TMEM266: variants seen among roughly 807,000 people sequenced by gnomAD.
TMEM266 encodes Hv1 related protein 1.
Under a neutral mutation model 50.5 loss-of-function variants are expected in TMEM266, and 33 were observed. The observed-to-expected ratio is 0.65, with a 90% CI of 0.50 to 0.87. TMEM266 has a LOEUF of 0.87. TMEM266 is among the 40% of genes least tolerant of loss of function. TMEM266 has a pLI of 0.00. For missense variants in TMEM266, 655 were observed against 695.1 expected (o/e 0.94, Z 0.65); for synonymous variants, 310 against 292.3 (o/e 1.06, Z -0.62).
chr15:76,135,851 A>G (rs186192668), intron 2 of TMEM266, among the ~76,000 whole-genome samples: 7 of 152,306 alleles, frequency 4.6e-5, no homozygotes, highest in African/African-American at 1.7e-4. Flanking sequence ...TTCAAATAAA[A>G]ATCTCACTTT....
intron 8 of TMEM266, among the ~76,000 whole-genome samples, chr15:76,185,195 T>G (rs2038475457): frequency 6.6e-6 from 1 of 152,228 alleles, no homozygotes; most frequent in African/African-American, 2.4e-5. Context: ...TGGCCATGGT[T>G]TCTTTATTCA....
At chr15:76,197,572 T>C (rs62030184) in intron 9 of TMEM266, among the ~76,000 whole-genome samples, 13,573 of 152,266 alleles carry the variant, frequency 0.089, 694 homozygotes, top group African/African-American at 0.13. Flanking sequence ...CTGAGAAGGA[T>C]TGAGCATTTA....
chr15:76,082,923 C>T (rs183002206), intron 1 of TMEM266, among the ~76,000 whole-genome samples: 2 of 152,050 alleles, frequency 1.3e-5, no homozygotes, highest in African/African-American at 2.4e-5. Context: ...GAGCGGAGAT[C>T]GCACCATTGC....
At chr15:76,113,049 C>G (rs983898187) in intron 1 of TMEM266, 1 of 152,406 alleles carries the variant, frequency 6.6e-6, no homozygotes, top group East Asian at 1.9e-4. Context: ...GGCGCGGTGG[C>G]TCACGCCTGT....
chr15:76,120,526 C>T (rs982634682), intron 1 of TMEM266, among the ~76,000 whole-genome samples: 16 of 151,806 alleles, frequency 1.1e-4, no homozygotes, highest in African/African-American at 3.9e-4. Context: ...TATAGGAGGC[C>T]GAGACAGGTG....
intron 1 of TMEM266, among the ~76,000 whole-genome samples, chr15:76,126,222 C>T (rs1011159884): frequency 1.3e-5 from 2 of 151,600 alleles, no homozygotes; most frequent in Non-Finnish European, 2.9e-5. Flanking sequence ...GATTTCCTTT[C>T]CTTTCAAAGG....
chr15:76,114,570 G>T (rs1340918484), intron 1 of TMEM266, among the ~76,000 whole-genome samples: 1 of 152,060 alleles, frequency 6.6e-6, no homozygotes, highest in African/African-American at 2.4e-5. Flanking sequence ...ACACTATATT[G>T]TTTTGTTTTG....
intron 9 of TMEM266, among the ~76,000 whole-genome samples, chr15:76,200,051 G>T (rs951097759): frequency 6.6e-6 from 1 of 152,160 alleles, no homozygotes; most frequent in Non-Finnish European, 1.5e-5. Context: ...ACCAGGAGTT[G>T]ACGTCCCTGG....
rs1424487556 is a variant in TMEM266, at chr15:76,168,250, A to G, written c.457-1566A>G. On this transcript the variant is annotated intron_variant, in intron 5 of 10. Coordinates refer to ENST00000388942, the MANE Select transcript of TMEM266 (RefSeq NM_152335.3). The surrounding 1 kb of genome is among the most constrained non-coding windows in gnomAD (Gnocchi z 4.4). ...ATAGCGGAGCGGACTTCGGGCTGCCACATGCTCCTCTCTCTACTCAGAGAA... is the reference window on the plus strand; with the variant it reads ...ATAGCGGAGCGGACTTCGGGCTGCCGCATGCTCCTCTCTCTACTCAGAGAA... 6.6e-6 allele frequency among the ~76,000 whole-genome samples: 1 copy of G among 152,090 alleles called. No individual in the cohort carries two copies. The highest frequency in any genetic ancestry group is 1.5e-5 in the Non-Finnish European group (1 of 68,008).
At chr15:76,173,180 G>A (rs533520057) in intron 7 of TMEM266, among the ~76,000 whole-genome samples, 58 of 152,262 alleles carry the variant, frequency 3.8e-4, no homozygotes, top group Admixed American at 1.6e-3. Context: ...ACACGTGGCC[G>A]GTCCTCAAGC....
At chr15:76,092,804 C>CTTT (rs35632529) in intron 1 of TMEM266, among the ~76,000 whole-genome samples, 48 of 118,616 alleles carry the variant, frequency 4.0e-4, no homozygotes, top group South Asian at 5.4e-4. Flanking sequence ...GAGTTAGGTG[C>CTTT]TTTTTTTTTT....
chr15:76,138,255 C>G (rs2037624285), intron 3 of TMEM266, among the ~76,000 whole-genome samples: 1 of 144,862 alleles, frequency 6.9e-6, no homozygotes, highest in Non-Finnish European at 1.5e-5. Flanking sequence ...AAAAAATTCC[C>G]TGGGTTTCTA....
intron 1 of TMEM266, among the ~76,000 whole-genome samples, chr15:76,090,686 C>T (rs963698358): frequency 8.6e-5 from 13 of 151,778 alleles, no homozygotes; most frequent in African/African-American, 1.9e-4. Flanking sequence ...AAAGTGTCCA[C>T]GGGATTTGGG....
intron 3 of TMEM266, among the ~76,000 whole-genome samples, chr15:76,152,308 G>A (rs1216319892): frequency 1.3e-5 from 2 of 152,348 alleles, no homozygotes; most frequent in Non-Finnish European, 2.9e-5. Context: ...ACAGTGGAGG[G>A]GTGGGTCGCT....
chr15:76,095,899 C>A (rs1358383509), intron 1 of TMEM266, among the ~76,000 whole-genome samples: 1 of 151,992 alleles, frequency 6.6e-6, no homozygotes, highest in Non-Finnish European at 1.5e-5. Flanking sequence ...AGTTTATTTG[C>A]GTAGAGGTAT....
chr15:76,189,391 GGGAA>G (rs553002198), intron 8 of TMEM266, among the ~76,000 whole-genome samples: 3 of 151,554 alleles, frequency 2.0e-5, no homozygotes, highest in South Asian at 4.2e-4. Flanking sequence ...GAAAGAAGGA[GGGAA>G]GGAAGGAAGG....
chr15:76,099,171 T>G (rs1328511835), intron 1 of TMEM266, among the ~76,000 whole-genome samples: 3 of 152,210 alleles, frequency 2.0e-5, no homozygotes, highest in Non-Finnish European at 4.4e-5. Context: ...TCTGCCCAAG[T>G]GGCCACCCAG....
intron 1 of TMEM266, among the ~76,000 whole-genome samples, chr15:76,120,351 G>T (rs1184233315): frequency 6.6e-6 from 1 of 152,014 alleles, no homozygotes; most frequent in Non-Finnish European, 1.5e-5. Flanking sequence ...GGGGGAGGGG[G>T]ATTTCTACAA....
chr15:76,107,293 G>T (rs2037097868), intron 1 of TMEM266, among the ~76,000 whole-genome samples: 3 of 152,100 alleles, frequency 2.0e-5, no homozygotes, highest in African/African-American at 2.4e-5. Context: ...TACAAGCACG[G>T]CACATTTCAG....
Sources: allele counts gnomAD v4.1 joint callset (sites outside exome capture counted in the v4.1 genomes callset), GRCh38; gene constraint gnomAD v4.1.1; non-coding constraint Gnocchi (gnomAD v3.1); transcripts MANE v1.5; gene names NCBI Gene and HGNC (gene_info 2026-07-23, HGNC 2026-07-21).